DIAPH3: variants seen among roughly 807,000 people sequenced by gnomAD.
DIAPH3 encodes the protein protein diaphanous homolog 3.
DIAPH3 carries 117 observed loss-of-function variants against 144.3 expected under a neutral mutation model. The ratio of observed to expected loss-of-function variants is 0.81; its 90% CI spans 0.70 to 0.95. The LOEUF (loss-of-function observed/expected upper bound fraction) is 0.95. DIAPH3 is among the 40% of genes least tolerant of loss of function. DIAPH3 has a pLI of 0.00. For synonymous variants in DIAPH3, 519 were observed against 488.9 expected, an observed-to-expected ratio of 1.06 and a Z score of -0.81; for missense variants, 1,421 against 1,412.7, an observed-to-expected ratio of 1.01 and a Z score of -0.09.
At chr13:60,142,358 T>C (rs1323972148) in intron 1 of DIAPH3, among the ~76,000 whole-genome samples, 1 of 152,134 alleles carries the variant, frequency 6.6e-6, no homozygotes, top group African/African-American at 2.4e-5. Context: ...CTCAAAACAC[T>C]GTAAAGCCAA....
chr13:59,847,798 C>T (rs2042731488), intron 22 of DIAPH3, among the ~76,000 whole-genome samples: 1 of 152,130 alleles, frequency 6.6e-6, no homozygotes. Context: ...CCTCACAATT[C>T]CAAGATTGTG....
At chr13:59,742,159 A>G (rs1046907448) in intron 27 of DIAPH3, among the ~76,000 whole-genome samples, 4 of 152,136 alleles carry the variant, frequency 2.6e-5, no homozygotes, top group African/African-American at 9.7e-5. Flanking sequence ...AGTATGAGAG[A>G]AACCACCCCC....
intron 27 of DIAPH3, among the ~76,000 whole-genome samples, chr13:59,734,191 T>G (rs1322101575): frequency 1.3e-5 from 2 of 152,186 alleles, no homozygotes; most frequent in African/African-American, 4.8e-5. Context: ...TATCTTCCTT[T>G]TTTGGCTCCC....
intron 2 of DIAPH3, among the ~76,000 whole-genome samples, chr13:60,117,267 T>G (rs1447465645): frequency 6.6e-6 from 1 of 152,000 alleles, no homozygotes; most frequent in East Asian, 1.9e-4. Context: ...GAAGGCAAGA[T>G]AGGAAAAATT....
At chr13:59,977,326 T>C (rs938143584) in intron 14 of DIAPH3, among the ~76,000 whole-genome samples, 1 of 151,794 alleles carries the variant, frequency 6.6e-6, no homozygotes, top group African/African-American at 2.4e-5. Flanking sequence ...AGCGTGTGGA[T>C]GAATGACAAG....
intron 1 of DIAPH3, among the ~76,000 whole-genome samples, chr13:60,139,145 C>T (rs2059371252): frequency 6.6e-6 from 1 of 152,174 alleles, no homozygotes; most frequent in Non-Finnish European, 1.5e-5. Flanking sequence ...CTACACAACA[C>T]ACATAGATGT....
At chr13:59,992,657 G>A (rs2051909347) in intron 9 of DIAPH3, 74 bp from the exon 10 acceptor site, 2 of 1,183,134 alleles carry the variant, frequency 1.7e-6, no homozygotes, top group Non-Finnish European at 2.5e-6. Context: ...AAACTTCAAG[G>A]TTTTGTTCCA....
At chr13:59,967,965 G>A (rs896475173) in intron 17 of DIAPH3, among the ~76,000 whole-genome samples, 8 of 152,142 alleles carry the variant, frequency 5.3e-5, no homozygotes, top group Non-Finnish European at 1.0e-4. Flanking sequence ...ATAGTCCTCT[G>A]CCAGCCTCTA....
At chr13:59,869,168 A>C (rs1210936017) in intron 21 of DIAPH3, among the ~76,000 whole-genome samples, 1 of 152,144 alleles carries the variant, frequency 6.6e-6, no homozygotes, top group African/African-American at 2.4e-5. Context: ...TTGCTTTCCC[A>C]CTAGCAATGA....
intron 4 of DIAPH3, among the ~76,000 whole-genome samples, chr13:60,087,138 C>T (rs1278993933): frequency 6.6e-6 from 1 of 152,174 alleles, no homozygotes; most frequent in South Asian, 2.1e-4. Context: ...TGTGCATGTT[C>T]AGTGTAGACA....
chr13:59,776,004 C>G (rs1238167808), intron 25 of DIAPH3, among the ~76,000 whole-genome samples: 1 of 152,188 alleles, frequency 6.6e-6, no homozygotes, highest in Non-Finnish European at 1.5e-5. Flanking sequence ...ACCGTAAGGA[C>G]TTTTTGCCCG....
intron 25 of DIAPH3, among the ~76,000 whole-genome samples, chr13:59,780,039 C>A (rs2038656465): frequency 6.6e-6 from 1 of 151,922 alleles, no homozygotes; most frequent in African/African-American, 2.4e-5. Context: ...TGTTACTAGG[C>A]ACTAAAGATA....
rs754228688 is a variant in DIAPH3, at chr13:59,970,930, TAGAGGAGG to T, written c.1873_1880del (p.Pro625ThrfsTer14). 6.2e-7 allele frequency: 1 copy of T among 1,613,810 alleles called. No individual in the cohort carries two copies. Among genetic ancestry groups the T allele is most frequent in the Non-Finnish European group, 8.5e-7 (1 of 1,179,946 alleles). Reference sequence around the variant, plus strand: ...GTTTCAACCCAAATGGCAGGATTGGTAGAGGAGGAGAATTTTGTCCTCCAAGGAATCCC... The same window carrying T: ...GTTTCAACCCAAATGGCAGGATTGGTAGAATTTTGTCCTCCAAGGAATCCC... On this transcript the variant is annotated frameshift_variant, in exon 16 of 28. Coordinates refer to ENST00000400324, the MANE Select transcript of DIAPH3 (RefSeq NM_001042517.2). LOFTEE classifies it high-confidence loss of function.
intron 27 of DIAPH3, among the ~76,000 whole-genome samples, chr13:59,700,173 A>C (rs2034024166): frequency 6.6e-6 from 1 of 152,122 alleles, no homozygotes. Flanking sequence ...TACCATGGGG[A>C]AAGATGAAGG....
chr13:60,029,074 A>C, intron 5 of DIAPH3, among the ~76,000 whole-genome samples: 1 of 147,902 alleles, frequency 6.8e-6, no homozygotes. Flanking sequence ...AAAAGGGGGG[A>C]TTTTTTTTCT....
chr13:59,928,429 G>A lies in DIAPH3; in HGVS notation c.2075-3559C>T, dbSNP rs1252398707. Among the ~76,000 whole-genome samples the A allele has an allele frequency of 2.0e-5, 3 of 152,008 alleles. No homozygotes were observed. In the South Asian group the frequency reaches 6.2e-4, roughly 32 times the overall value. On this transcript the variant is annotated intron_variant, in intron 17 of 27. Coordinates refer to ENST00000400324, the MANE Select transcript of DIAPH3 (RefSeq NM_001042517.2). ...TATGGGAGAATTACTATGTTCCTTT[G>A]AGGTATCATGTTTCCTTTCTTTTTC...
chr13:59,893,278 A>G (rs889508901), intron 20 of DIAPH3, among the ~76,000 whole-genome samples: 3 of 152,186 alleles, frequency 2.0e-5, no homozygotes, highest in African/African-American at 7.2e-5. Context: ...TTATGAAACA[A>G]ACACACTATA....
intron 5 of DIAPH3, among the ~76,000 whole-genome samples, chr13:60,024,997 C>T (rs560645665): frequency 6.6e-6 from 1 of 152,216 alleles, no homozygotes; most frequent in Non-Finnish European, 1.5e-5. Context: ...CTTCTTTGGA[C>T]ATAATGCCAG....
chr13:59,837,894 T>C (rs71432778), intron 23 of DIAPH3: 2 of 152,058 alleles, frequency 1.3e-5, no homozygotes, highest in Non-Finnish European at 2.9e-5. Flanking sequence ...GAATTGATTG[T>C]TGCTGGAGTA....
Sources: allele counts gnomAD v4.1 joint callset (sites outside exome capture counted in the v4.1 genomes callset), GRCh38; gene constraint gnomAD v4.1.1; transcripts MANE v1.5; gene names NCBI Gene and HGNC (gene_info 2026-07-23, HGNC 2026-07-21).